Variants in PHLPP2 observed in about 807,000 individuals in gnomAD.
The protein encoded by PHLPP2 is PH domain and leucine rich repeat protein phosphatase 2, also known as PH domain leucine-rich repeat-containing protein phosphatase 2.
In PHLPP2, 66 loss-of-function variants were observed where a neutral mutation model predicts 124.9. The observed-to-expected ratio is 0.53, with a 90% CI of 0.43 to 0.65. The LOEUF is 0.65. Ranked by LOEUF, PHLPP2 falls within the 30% of genes least tolerant of loss-of-function variation. The pLI, the probability that PHLPP2 is intolerant of heterozygous loss-of-function variation, is 0.00. For synonymous variants in PHLPP2, 681 were observed against 624.7 expected (o/e 1.09, Z -1.34); for missense variants, 1,685 against 1,600.4 (o/e 1.05, Z -0.90).
chr16:71,694,183 T>C (rs1282935194), intron 3 of PHLPP2, among the ~76,000 whole-genome samples: 1 of 133,660 alleles, frequency 7.5e-6, no homozygotes, highest in Admixed American at 7.7e-5. Flanking sequence ...GACAGAGCAA[T>C]ACTGTCTCAA....
rs1359689638 is a variant in PHLPP2 at position 71,690,776 on chromosome 16, A to C, written c.419-67T>G. 3 of 1,120,218 alleles carry C rather than the reference A, an allele frequency of 2.7e-6. No homozygotes were observed. The African/African-American group carries it at 4.7e-5, about 18-fold the overall frequency. The allele number at this position is 1,120,218 out of a possible 1,614,324, so 69.4% of individuals were successfully genotyped here. ...TGTAAGAATACAGAAATGGAAAAAG[A>C]AAGCATTGTGTGTCAACATTCAACA... is the stretch of plus-strand genomic sequence containing the variant. On this transcript the variant is annotated intron_variant, in intron 3 of 18. Transcript: ENST00000568954.
At position 71,648,904 on chromosome 16, in the gene PHLPP2, CGAA is replaced by C. The variant is rs756088786; in HGVS notation, c.3955_3957del (p.Phe1319del). On this transcript the variant is annotated inframe_deletion, in exon 19 of 19. Coordinates refer to ENST00000568954, the MANE Select transcript of PHLPP2 (RefSeq NM_015020.3). ...CAGTGGGGCAGTCATAGTGCTGTGT[CGAA>C]CTCCTCCGGGGGCTCGGTCCGATCC... 6.2e-6 allele frequency: 10 copies of C among 1,611,832 alleles called. No homozygotes were observed. The highest frequency in any genetic ancestry group is 8.5e-6 in the Non-Finnish European group (10 of 1,179,682).
chr16:71,649,670 G>C lies in PHLPP2; in HGVS notation c.3192C>G (p.Ala1064=). The C allele has an allele frequency of 6.2e-7, 1 of 1,614,118 alleles. No individual in the cohort carries two copies. Among genetic ancestry groups the C allele is most frequent in the Non-Finnish European group, 8.5e-7 (1 of 1,180,010 alleles). The change falls in exon 19 of 19, where the codon GCC becomes GCG. Residue 1064 remains alanine, a synonymous_variant. Coordinates refer to ENST00000568954, the MANE Select transcript of PHLPP2 (RefSeq NM_015020.3). ...GFASTTTIKD[A]PKPATPSSSS... ...TAGAGGATGGAGTGGCTGGCTTAGG[G>C]GCATCCTTGATAGTGGTGGTTGAAG...
chr16:71,721,671 GA>G (rs11339364), intron 1 of PHLPP2, among the ~76,000 whole-genome samples: 122,564 of 148,752 alleles, frequency 0.82, 50,686 homozygotes, highest in East Asian at 0.99. Flanking sequence ...AACTGTTCTT[GA>G]AAAAAAAAAA....
At chr16:71,717,517 G>A (rs2045370949) in intron 1 of PHLPP2, among the ~76,000 whole-genome samples, 1 of 152,188 alleles carries the variant, frequency 6.6e-6, no homozygotes. Context: ...TCTCAAAGCT[G>A]AACATCTCAG....
chr16:71,676,086 T>C (rs953125816), intron 9 of PHLPP2, among the ~76,000 whole-genome samples: 1 of 151,998 alleles, frequency 6.6e-6, no homozygotes, highest in Admixed American at 6.6e-5. Flanking sequence ...CCATTCCGTA[T>C]GGGCCATAAA....
rs984514552 is a variant in PHLPP2, at chr16:71,684,707, T to C, written c.610-106A>G. 2.7e-5 allele frequency: 30 copies of C among 1,094,820 alleles called. No individual in the cohort carries two copies. In the Admixed American group the frequency reaches 3.1e-4, roughly 11 times the overall value. 67.8% of individuals were successfully genotyped at this position (1,094,820 alleles called of 1,614,324 possible). A position where few individuals can be genotyped will look rare whatever the true frequency, so the allele number is the denominator to read the frequency against. ...ACAACTGAATTTTTAAAAATAGTTA[T>C]TTTTTATTTTTTCTCTCTCCCTCCT... On this transcript the variant is annotated intron_variant, in intron 4 of 18. Transcript: ENST00000568954.
At chr16:71,714,374 A>T (rs1009344248) in intron 2 of PHLPP2, 138 bp downstream of exon 2, 1 of 1,151,532 alleles carries the variant, frequency 8.7e-7, no homozygotes. Context: ...CAGCCTTCCA[A>T]GGACAAATCT....
At chr16:71,704,545 A>G (rs1465396418) in intron 2 of PHLPP2, among the ~76,000 whole-genome samples, 1 of 151,988 alleles carries the variant, frequency 6.6e-6, no homozygotes, top group Admixed American at 6.6e-5. Context: ...CAAAAATAAA[A>G]CAACCACCTG....
chr16:71,652,456 G>T (rs1162059131), intron 18 of PHLPP2, among the ~76,000 whole-genome samples: 1 of 152,158 alleles, frequency 6.6e-6, no homozygotes, highest in Non-Finnish European at 1.5e-5. Context: ...TCAAACTAGA[G>T]AACTCTTTCT....
intron 1 of PHLPP2, 108 bp downstream of exon 1, chr16:71,724,221 G>A (rs1189591643): frequency 6.6e-6 from 1 of 152,244 alleles, no homozygotes; most frequent in African/African-American, 2.4e-5. Flanking sequence ...AAAGAAGCAG[G>A]TGGCGCCGGC....
chr16:71,664,125 C>A, intron 12 of PHLPP2, 26 bp from the exon 13 acceptor site: 1 of 1,514,184 alleles, frequency 6.6e-7, no homozygotes, highest in Non-Finnish European at 9.2e-7. Context: ...CAGATCATCA[C>A]CTCCTTTAAG....
intron 17 of PHLPP2, among the ~76,000 whole-genome samples, chr16:71,654,204 G>GAAAAAAAAA (rs765826548): frequency 2.8e-5 from 2 of 72,320 alleles, no homozygotes; most frequent in East Asian, 3.5e-4. Flanking sequence ...TCTCAAAAAA[G>GAAAAAAAAA]AAAAAAAAAA....
intron 10 of PHLPP2, among the ~76,000 whole-genome samples, chr16:71,669,849 A>G (rs2044874885): frequency 6.6e-6 from 1 of 152,230 alleles, no homozygotes; most frequent in Non-Finnish European, 1.5e-5. Context: ...TTAGAATGTG[A>G]GCTCAAATAA....
chr16:71,680,823 G>T (rs145754278), intron 6 of PHLPP2, among the ~76,000 whole-genome samples: 19 of 152,206 alleles, frequency 1.2e-4, no homozygotes, highest in African/African-American at 4.6e-4. Context: ...CCTCAAACTG[G>T]ACTAATTCTT....
At chr16:71,715,399 G>A (rs1301050821) in intron 1 of PHLPP2, 1 of 152,356 alleles carries the variant, frequency 6.6e-6, no homozygotes, top group African/African-American at 2.4e-5. Context: ...ATTTTGCCTG[G>A]GCACAGTGGC....
intron 11 of PHLPP2, 65 bp from the exon 12 acceptor site, chr16:71,667,398 C>A (rs755839577): frequency 1.6e-6 from 2 of 1,280,656 alleles, no homozygotes; most frequent in Non-Finnish European, 1.1e-6. Context: ...CTGAGGCTGT[C>A]CTAGCCTATT....
intron 3 of PHLPP2, among the ~76,000 whole-genome samples, chr16:71,695,857 T>C (rs2045164444): frequency 6.6e-6 from 1 of 152,202 alleles, no homozygotes; most frequent in Non-Finnish European, 1.5e-5. Flanking sequence ...CATATGGTTC[T>C]ATGAATATAT....
At chr16:71,686,509 A>G (rs1295173065) in intron 4 of PHLPP2, among the ~76,000 whole-genome samples, 1 of 151,722 alleles carries the variant, frequency 6.6e-6, no homozygotes, top group Admixed American at 6.6e-5. Context: ...TAAGTAACCA[A>G]TTTCATGAGT....
Sources: allele counts gnomAD v4.1 joint callset (sites outside exome capture counted in the v4.1 genomes callset), GRCh38; gene constraint gnomAD v4.1.1; transcripts MANE v1.5; gene names NCBI Gene and HGNC (gene_info 2026-07-23, HGNC 2026-07-21).